The following RALGAPA1 variants were observed in gnomAD, a reference collection of about 807,000 sequenced individuals.
The protein encoded by RALGAPA1 is Ral GTPase activating protein catalytic subunit alpha 1.
A neutral mutation model predicts 269.6 loss-of-function variants in RALGAPA1; 52 were observed. The ratio of observed to expected loss-of-function variants is 0.19; its 90% CI spans 0.15 to 0.24. The LOEUF (loss-of-function observed/expected upper bound fraction) is 0.24, where lower values mean the gene tolerates loss of function less well. Ranked by LOEUF, RALGAPA1 falls within the 10% of genes least tolerant of loss-of-function variation. The pLI is 1.00. For missense variants in RALGAPA1, 1,917 were observed against 3,013.9 expected (o/e 0.64, Z 8.52); for synonymous variants, 817 against 1,008.3 (o/e 0.81, Z 3.60).
intron 7 of RALGAPA1, among the ~76,000 whole-genome samples, chr14:35,753,372 C>A: frequency 6.6e-6 from 1 of 152,036 alleles, no homozygotes; most frequent in Admixed American, 6.6e-5. Context: ...AGTATGTAGC[C>A]AACTCTTGAA....
At chr14:35,569,960 T>C (rs536972160) in intron 39 of RALGAPA1, among the ~76,000 whole-genome samples, 1 of 152,208 alleles carries the variant, frequency 6.6e-6, no homozygotes, top group Non-Finnish European at 1.5e-5. Context: ...ACCAAAAGAT[T>C]AGTACTGATT....
At chr14:35,751,030 T>C (rs1163177704) in intron 8 of RALGAPA1, among the ~76,000 whole-genome samples, 1 of 152,210 alleles carries the variant, frequency 6.6e-6, no homozygotes, top group Non-Finnish European at 1.5e-5. Flanking sequence ...TTTGAAGTCA[T>C]ACAAAATATG....
intron 33 of RALGAPA1, among the ~76,000 whole-genome samples, chr14:35,630,101 T>C (rs528438156): frequency 6.6e-6 from 1 of 152,326 alleles, no homozygotes; most frequent in East Asian, 1.9e-4. Context: ...CCACTGGGTA[T>C]AGGCAAACCA....
chr14:35,609,346 T>C (rs889810897), intron 35 of RALGAPA1, among the ~76,000 whole-genome samples: 1 of 151,900 alleles, frequency 6.6e-6, no homozygotes, highest in African/African-American at 2.4e-5. Flanking sequence ...TGAAAGAAAA[T>C]TTGGGTAATT....
chr14:35,769,222 TA>T (rs2074435416), intron 4 of RALGAPA1, among the ~76,000 whole-genome samples: 1 of 150,326 alleles, frequency 6.7e-6, no homozygotes, highest in Non-Finnish European at 1.5e-5. Flanking sequence ...AGAGAAGACA[TA>T]AATTAACAAA....
intron 36 of RALGAPA1, among the ~76,000 whole-genome samples, chr14:35,597,585 G>A (rs1329889946): frequency 1.3e-5 from 2 of 151,908 alleles, no homozygotes; most frequent in African/African-American, 4.8e-5. Flanking sequence ...GCCCCCCAGT[G>A]CAAAACTCTA....
rs1206619829 is a variant in RALGAPA1 at position 35,683,797 on chromosome 14, G to A, written c.4471+12C>T. On this transcript the variant is annotated intron_variant, in intron 21 of 41. Transcript: ENST00000680220. Reference sequence around the variant, plus strand: ...ATACATTTAAGAAACACATTCCCATGAATAACTTTACCAGTAATAGTTGCA... The same window carrying A: ...ATACATTTAAGAAACACATTCCCATAAATAACTTTACCAGTAATAGTTGCA... 2 of 1,566,380 alleles carry A rather than the reference G, an allele frequency of 1.3e-6. No individual in the cohort carries two copies. The highest frequency in any genetic ancestry group is 1.2e-5 in the South Asian group (1 of 82,756).
chr14:35,658,735 T>TA (rs1280116155), intron 28 of RALGAPA1, among the ~76,000 whole-genome samples: 7 of 151,316 alleles, frequency 4.6e-5, no homozygotes, highest in Non-Finnish European at 1.0e-4. Flanking sequence ...ACTATTTTCT[T>TA]AGATATATTA....
At chr14:35,701,684 C>T (rs918191686) in intron 16 of RALGAPA1, among the ~76,000 whole-genome samples, 4 of 151,926 alleles carry the variant, frequency 2.6e-5, no homozygotes. Context: ...CTCTGTTGTC[C>T]AGGCGGGAGT....
chr14:35,711,136 T>G (rs1194612228), intron 16 of RALGAPA1, among the ~76,000 whole-genome samples: 1 of 152,238 alleles, frequency 6.6e-6, no homozygotes, highest in East Asian at 1.9e-4. Flanking sequence ...TAAAGGGACT[T>G]CTTATAGTCA....
chr14:35,725,800 A>C (rs2140991471), intron 13 of RALGAPA1, among the ~76,000 whole-genome samples: 1 of 152,070 alleles, frequency 6.6e-6, no homozygotes, highest in South Asian at 2.1e-4. Flanking sequence ...TAGGAGTTTG[A>C]GTCTGCAGTG....
rs188053433 is a variant in RALGAPA1, at chr14:35,688,867, C to T, written c.3544G>A (p.Gly1182Ser). 4 of 1,280,482 alleles carry T rather than the reference C, an allele frequency of 3.1e-6. No individual in the cohort carries two copies. The highest frequency in any genetic ancestry group is 3.0e-6 in the Non-Finnish European group (3 of 1,016,326). The allele number at this position is 1,280,482 out of a possible 1,614,324, so 79.3% of individuals were successfully genotyped here. A position where few individuals can be genotyped will look rare whatever the true frequency, so the allele number is the denominator to read the frequency against. ...APWKMRLRKL[G>S]GFSSGSSNSS... ...TTGCTGCTACCACTACTAAAGCCAC[C>T]GAGCTTCCGCAGTCTCATCTTCCAT... Residue 1182 changes from glycine to serine, a missense_variant, in exon 18 of 42, where the codon GGT becomes AGT. By Grantham distance (56) the Gly-to-Ser change is moderately conservative (BLOSUM62 0). Transcript: ENST00000680220.
At chr14:35,540,242 G>A (rs958917834) in intron 41 of RALGAPA1, among the ~76,000 whole-genome samples, 2 of 152,050 alleles carry the variant, frequency 1.3e-5, no homozygotes, top group Non-Finnish European at 2.9e-5. Context: ...ATTTAAAGAC[G>A]GCTTTAAGAA....
intron 11 of RALGAPA1, among the ~76,000 whole-genome samples, 158 bp downstream of exon 11, chr14:35,742,210 G>GA (rs2071622601): frequency 6.6e-6 from 1 of 152,140 alleles, no homozygotes; most frequent in Non-Finnish European, 1.5e-5. Flanking sequence ...ACGGTACTGA[G>GA]ATGACTACTT....
chr14:35,693,679 G>A (rs2066677409), intron 17 of RALGAPA1, among the ~76,000 whole-genome samples: 1 of 151,790 alleles, frequency 6.6e-6, no homozygotes, highest in Non-Finnish European at 1.5e-5. Context: ...TAAAAACGTT[G>A]TTTTCAAGAG....
At chr14:35,780,469 GC>G (rs553603552) in intron 1 of RALGAPA1, among the ~76,000 whole-genome samples, 5 of 152,128 alleles carry the variant, frequency 3.3e-5, no homozygotes, top group Admixed American at 6.6e-5. Context: ...CATATGTAAG[GC>G]CATAAAATAA....
intron 37 of RALGAPA1, among the ~76,000 whole-genome samples, chr14:35,582,870 C>T (rs1282255132): frequency 6.6e-6 from 1 of 152,112 alleles, no homozygotes; most frequent in Non-Finnish European, 1.5e-5. Context: ...TACTGTCCCA[C>T]CTAAGGGAAG....
At chr14:35,671,367 T>C in intron 26 of RALGAPA1, 22 bp downstream of exon 26, 1 of 1,582,018 alleles carries the variant, frequency 6.3e-7, no homozygotes, top group Non-Finnish European at 8.6e-7. Flanking sequence ...TGTTATATGA[T>C]AAGGAACAGG....
intron 30 of RALGAPA1, among the ~76,000 whole-genome samples, chr14:35,652,918 T>C (rs1040844742): frequency 5.3e-5 from 8 of 152,236 alleles, no homozygotes; most frequent in African/African-American, 1.7e-4. Context: ...TGTATTTTTA[T>C]TTTAGCTGTA....
Sources: allele counts gnomAD v4.1 joint callset (sites outside exome capture counted in the v4.1 genomes callset), GRCh38; gene constraint gnomAD v4.1.1; transcripts MANE v1.5; gene names NCBI Gene and HGNC (gene_info 2026-07-23, HGNC 2026-07-21).